ZAN: variants seen among roughly 807,000 people sequenced by gnomAD.
ZAN encodes the protein zonadhesin, also known as zonadhesin (gene/pseudogene).
Under a neutral mutation model 286.2 loss-of-function variants are expected in ZAN, and 260 were observed. The ratio of observed to expected loss-of-function variants is 0.91; its 90% CI spans 0.82 to 1.01. The LOEUF is 1.01. ZAN is among the 50% of genes least tolerant of loss of function. The pLI, the probability that ZAN is intolerant of heterozygous loss-of-function variation, is 0.00. For missense variants in ZAN, 3,410 were observed against 3,639.2 expected, an observed-to-expected ratio of 0.94 and a Z score of 1.62; for synonymous variants, 1,368 against 1,417.5, an observed-to-expected ratio of 0.97 and a Z score of 0.79.
In ZAN at chr7:100,769,922, C is replaced by T; in HGVS notation, c.5196C>T (p.Asn1732=). The change falls in exon 28 of 48, where the codon AAC becomes AAT. Residue 1732 remains asparagine (N), a synonymous_variant. Transcript: ENST00000613979. ...GCAAGCCCTCCAGCTGCCAGGAGAACAGCATGGCAGACGCCTGGAACAAGA... is the reference window on the plus strand; with the variant it reads ...GCAAGCCCTCCAGCTGCCAGGAGAATAGCATGGCAGACGCCTGGAACAAGA... ...VGGKPSSCQE[N]SMADAWNKNC... is the part of the protein sequence containing the mutation. 1 of 1,565,886 alleles carries T rather than the reference C, an allele frequency of 6.4e-7. No homozygotes were observed. Among genetic ancestry groups the T allele is most frequent in the Non-Finnish European group, 8.7e-7 (1 of 1,154,666 alleles).
chr7:100,776,430 C>T lies in ZAN; in HGVS notation c.6193-10C>T. 6.2e-7 allele frequency: 1 copy of T among 1,601,952 alleles called. No homozygotes were observed. Among genetic ancestry groups the T allele is most frequent in the Non-Finnish European group, 8.5e-7 (1 of 1,174,138 alleles). ...TTCCCCAGCACCGAAAAACCACTCT[C>T]CCCCGCCAGGTCTGCGGCATGTGTG... On this transcript the variant is annotated splice_polypyrimidine_tract_variant and intron_variant, in intron 33 of 47. Coordinates refer to ENST00000613979, the MANE Select transcript of ZAN (RefSeq NM_003386.3).
chr7:100,795,464 T>C (rs1812301371), intron 45 of ZAN, 128 bp downstream of exon 45: 4 of 968,512 alleles, frequency 4.1e-6, no homozygotes, highest in Non-Finnish European at 3.9e-6. Context: ...ACAGATATTA[T>C]ATATTATAAA....
rs776721170 is a variant in ZAN, at chr7:100,748,105, C to T, written c.1024-32C>T. On this transcript the variant is annotated intron_variant, in intron 9 of 47. Coordinates refer to ENST00000613979, the MANE Select transcript of ZAN (RefSeq NM_003386.3). ...GGGGCTTGGGGGTGTGGGCTGTGTG[C>T]TCACTCCTGCTCCATCTCCCTTTCT... The T allele has an allele frequency of 3.1e-6, 5 of 1,595,864 alleles. No homozygotes were observed. The Admixed American group carries it at 5.0e-5, about 16-fold the overall frequency.
At chr7:100,777,111 T>A (rs1162826332) in intron 34 of ZAN, among the ~76,000 whole-genome samples, 2 of 151,270 alleles carry the variant, frequency 1.3e-5, no homozygotes, top group African/African-American at 4.9e-5. Context: ...TGGTATGATC[T>A]CGGCTCACTG....
At chr7:100,749,476 T>TA (rs1488061939) in intron 11 of ZAN, among the ~76,000 whole-genome samples, 22 of 147,664 alleles carry the variant, frequency 1.5e-4, no homozygotes, top group Admixed American at 8.1e-4. Flanking sequence ...CCGTCCCTAC[T>TA]AAAAACACAA....
At chr7:100,747,396 T>A (rs1007131479) in intron 8 of ZAN, among the ~76,000 whole-genome samples, 154 bp from the exon 9 acceptor site, 6 of 150,834 alleles carry the variant, frequency 4.0e-5, no homozygotes, top group African/African-American at 7.3e-5. Context: ...CAAAAAAAAA[T>A]AATGAATAAA....
chr7:100,736,930 G>A lies in ZAN; in HGVS notation c.375G>A (p.Gly125=), dbSNP rs765875808. The change falls in exon 5 of 48, where the codon GGG becomes GGA. Residue 125 remains glycine, a synonymous_variant. Transcript: ENST00000613979. ...LCVHFAHHMF[G]LSWGAQLRLL... ...TGCACTTTGCCCACCACATGTTCGG[G>A]CTGTCTTGGGGCGCCCAGCTCAGGC... 2 of 1,499,694 alleles carry A rather than the reference G, an allele frequency of 1.3e-6. No homozygotes were observed. Among genetic ancestry groups the A allele is most frequent in the Non-Finnish European group, 1.8e-6 (2 of 1,096,216 alleles). The allele number at this position is 1,499,694 out of a possible 1,614,324, so 92.9% of individuals were successfully genotyped here.
Position 100,779,566 on chromosome 7 carries a change from G to C in ZAN, c.6438G>C (p.Arg2146=). The change falls in exon 35 of 48, where the codon CGG becomes CGC. Residue 2146 remains arginine (R), a synonymous_variant. Coordinates refer to ENST00000613979, the MANE Select transcript of ZAN (RefSeq NM_003386.3). The part of the protein sequence containing the change: ...RAREKCEAAL[R]APVWAQCASR... ...GGGAAAAGTGCGAGGCAGCGCTCCG[G>C]GCTCCTGTGTGGGCCCAGTGCGCCT... 6.2e-7 allele frequency: 1 copy of C among 1,610,788 alleles called. No individual in the cohort carries two copies. Among genetic ancestry groups the C allele is most frequent in the East Asian group, 2.2e-5 (1 of 44,694 alleles).
Position 100,773,663 on chromosome 7 carries a change from T to C in ZAN, c.5635-58T>C. ...GCTGCACCCAGCTTCAACTGGGGCG[T>C]TGGCCCATCTCCCAATTCCAACTTT... is the stretch of plus-strand genomic sequence containing the variant. On this transcript the variant is annotated intron_variant, in intron 30 of 47. Transcript: ENST00000613979. 3.2e-6 allele frequency: 5 copies of C among 1,575,020 alleles called. No homozygotes were observed. The South Asian group carries it at 5.8e-5, about 18-fold the overall frequency.
chr7:100,790,881 A>T (rs1449636295), intron 39 of ZAN, 61 bp from the exon 40 acceptor site: 6 of 483,544 alleles, frequency 1.2e-5, no homozygotes, highest in Admixed American at 1.2e-4. Context: ...AGACTGTCTA[A>T]AAAAAAAAAA....
rs1454099283 is a variant in ZAN, at chr7:100,775,555, C to A, written c.6007C>A (p.Gln2003Lys). 1 of 1,613,722 alleles carries A rather than the reference C, an allele frequency of 6.2e-7. No homozygotes were observed. The highest frequency in any genetic ancestry group is 1.7e-5 in the Admixed American group (1 of 59,978). The change falls in exon 32 of 48, where the codon CAG becomes AAG. Residue 2003 changes from glutamine to lysine, a missense_variant. Gln to Lys is a moderately conservative substitution (Grantham distance 53). Transcript: ENST00000613979. ...CATCTACGATGCCCAGGTCACCCTGCAGAAGGGCCACCGTGTGCTAGTGAG... is the reference window on the plus strand; with the variant it reads ...CATCTACGATGCCCAGGTCACCCTGAAGAAGGGCCACCGTGTGCTAGTGAG... Reference protein sequence around the residue: ...IDIYDAQVTLQKGHRVLINSK... With the variant: ...IDIYDAQVTLKKGHRVLINSK...
chr7:100,764,174 C>T lies in ZAN; in HGVS notation c.4245C>T (p.Pro1415=). ...AGGACGCAGGCCACGCTGTGAAGCC[C>T]TGGAGGGAACCCCACTTCTGCCGTG... ...TCQDAGHAVK[P]WREPHFCPMA... Residue 1415 remains proline (P), a synonymous_variant, in exon 22 of 48, where the codon CCC becomes CCT. Transcript: ENST00000613979. 6 of 1,580,536 alleles carry T rather than the reference C, an allele frequency of 3.8e-6. No individual in the cohort carries two copies. The highest frequency in any genetic ancestry group is 5.2e-6 in the Non-Finnish European group (6 of 1,164,154).
chr7:100,765,467 A>G lies in ZAN; in HGVS notation c.4383A>G (p.Glu1461=). Residue 1461 remains glutamate (E), a synonymous_variant, in exon 23 of 48, where the codon GAA becomes GAG. Coordinates refer to ENST00000613979, the MANE Select transcript of ZAN (RefSeq NM_003386.3). ...CAGACCGGTGCGTGGAGGCCTGTGA[A>G]TGCAATCCGGGCTTCGTCCTCAGTG... The part of the protein sequence containing the change: ...FCSDRCVEAC[E]CNPGFVLSGL... 1 of 1,613,616 alleles carries G rather than the reference A, an allele frequency of 6.2e-7. No homozygotes were observed. The highest frequency in any genetic ancestry group is 8.5e-7 in the Non-Finnish European group (1 of 1,179,764).
intron 18 of ZAN, 41 bp from the exon 19 acceptor site, chr7:100,760,350 C>T (rs1299619653): frequency 6.2e-7 from 1 of 1,605,728 alleles, no homozygotes; most frequent in Admixed American, 1.7e-5. Context: ...CCTCCTTGAC[C>T]CCCAGCTCTG....
At chr7:100,766,764 C>A in intron 24 of ZAN, 98 bp downstream of exon 24, 1 of 1,475,586 alleles carries the variant, frequency 6.8e-7, no homozygotes, top group Non-Finnish European at 9.0e-7. Context: ...ACAGCTGAGT[C>A]TCCACCAGGG....
chr7:100,771,562 G>A (rs1456657364), intron 28 of ZAN, among the ~76,000 whole-genome samples: 1 of 151,838 alleles, frequency 6.6e-6, no homozygotes, highest in Admixed American at 6.6e-5. Flanking sequence ...CTCCCGAGTT[G>A]CCTGGACTAC....
chr7:100,765,158 C>T (rs1012882278), intron 22 of ZAN, among the ~76,000 whole-genome samples, 194 bp from the exon 23 acceptor site: 13 of 152,278 alleles, frequency 8.5e-5, no homozygotes, highest in South Asian at 2.1e-4. Context: ...CTCTCAGGGC[C>T]GGCGCCTTAG....
intron 29 of ZAN, 83 bp downstream of exon 29, chr7:100,772,103 T>G (rs1451081697): frequency 1.4e-6 from 2 of 1,416,294 alleles, no homozygotes; most frequent in African/African-American, 2.9e-5. Context: ...AATTCTTTTT[T>G]TTTTTTTTGA....
Position 100,750,771 on chromosome 7 carries a change from G to C in ZAN, c.1396G>C (p.Glu466Gln), listed in dbSNP as rs369072360. The C allele has an allele frequency of 3.1e-6, 5 of 1,613,020 alleles. No homozygotes were observed. In the African/African-American group the frequency reaches 4.0e-5, roughly 13 times the overall value. ...MYGLGEGTML[E>Q]LLLGSPAGSP... ...TGGCCTTGGGGAGGGTACTATGCTC[G>C]AACTCCTCCTGGGAAGTCCTGCGGG... The change falls in exon 12 of 48, where the codon GAA (glutamate) becomes CAA (glutamine). Residue 466 changes from glutamate (E) to glutamine (Q), a missense_variant. Transcript: ENST00000613979.
Sources: allele counts gnomAD v4.1 joint callset (sites outside exome capture counted in the v4.1 genomes callset), GRCh38; gene constraint gnomAD v4.1.1; transcripts MANE v1.5; gene names NCBI Gene and HGNC (gene_info 2026-07-23, HGNC 2026-07-21).